The following SYT2 variants were observed in gnomAD, a reference collection of about 807,000 sequenced individuals.
The protein encoded by SYT2 is synaptotagmin-2.
SYT2 carries 15 observed loss-of-function variants against 39.9 expected under a neutral mutation model. The observed-to-expected ratio is 0.38, with a 90% CI of 0.25 to 0.58. The LOEUF is 0.58. SYT2 is among the 20% of genes least tolerant of loss of function. The probability of loss-of-function intolerance (pLI) is 0.70; values close to 1 mark genes in which losing one functional copy is unlikely to be tolerated. For missense variants in SYT2, 389 were observed against 530.3 expected, an observed-to-expected ratio of 0.73 and a Z score of 2.62; for synonymous variants, 181 against 204.5, an observed-to-expected ratio of 0.89 and a Z score of 0.98.
In SYT2 at chr1:202,602,208, G is replaced by T. The variant is rs992523127; in HGVS notation, c.634-151C>A. 2.7e-5 allele frequency: 29 copies of T among 1,069,114 alleles called. No homozygotes were observed. In the African/African-American group the frequency reaches 3.2e-4, roughly 12 times the overall value. The allele number at this position is 1,069,114 out of a possible 1,614,324, so 66.2% of individuals were successfully genotyped here. A position where few individuals can be genotyped will look rare whatever the true frequency, so the allele number is the denominator to read the frequency against. On this transcript the variant is annotated intron_variant, in intron 5 of 8. Coordinates refer to ENST00000367268, the MANE Select transcript of SYT2 (RefSeq NM_177402.5). ...AGGCTTTTGGGGAGCAGAGTGTGAG[G>T]GTGGGGTGGGAGGGATCCCGATCCT...
At position 202,599,096 on chromosome 1, in the gene SYT2, G is replaced by T; in HGVS notation, c.1053+122C>A. ...CCACCCAGGCACCATTAGACCTCGA[G>T]CCTTCCCCTACCAAGAAAGGCTGTT... On this transcript the variant is annotated intron_variant, in intron 8 of 8. Transcript: ENST00000367268. The surrounding 1 kb of genome is among the most constrained non-coding windows in gnomAD (Gnocchi z 4.4). 7.2e-7 allele frequency: 1 copy of T among 1,385,574 alleles called. No homozygotes were observed. The highest frequency in any genetic ancestry group is 9.8e-7 in the Non-Finnish European group (1 of 1,016,176). 85.8% of individuals were successfully genotyped at this position (1,385,574 alleles called of 1,614,324 possible).
chr1:202,613,340 C>T (rs550809055), intron 1 of SYT2, among the ~76,000 whole-genome samples: 17 of 152,244 alleles, frequency 1.1e-4, no homozygotes, highest in Admixed American at 5.9e-4. Flanking sequence ...CTCCACCTCC[C>T]GAAGTGCTGG....
In SYT2 at chr1:202,683,306, A is replaced by C. The variant is rs533655712; in HGVS notation, c.-18+26952T>G. Reference sequence around the variant, plus strand: ...CCAGACTGGAAACAACACAAATGTCATTAACAGTGGAATGGACAAATCAGT... The same window carrying C: ...CCAGACTGGAAACAACACAAATGTCCTTAACAGTGGAATGGACAAATCAGT... On this transcript the variant is annotated intron_variant, in intron 1 of 8. Transcript: ENST00000367268. Among the ~76,000 whole-genome samples the C allele has an allele frequency of 3.3e-5, 5 of 152,384 alleles. No homozygotes were observed. In the East Asian group the frequency reaches 9.6e-4, roughly 29 times the overall value.
rs922731498 is a variant in SYT2 at position 202,706,521 on chromosome 1, C to T, written c.-18+3737G>A. 6.6e-5 allele frequency among the ~76,000 whole-genome samples: 10 copies of T among 152,276 alleles called. No individual in the cohort carries two copies. The East Asian group carries it at 7.7e-4, about 12-fold the overall frequency. ...TCTACGTCATAGTTACAAATTTTAG[C>T]TCCATTCTACAGATGGCAAGACTAA... On this transcript the variant is annotated intron_variant, in intron 1 of 8. Coordinates refer to ENST00000367268, the MANE Select transcript of SYT2 (RefSeq NM_177402.5).
At chr1:202,640,733 TCA>T (rs1491357621) in intron 1 of SYT2, among the ~76,000 whole-genome samples, 2 of 92,114 alleles carry the variant, frequency 2.2e-5, no homozygotes, top group African/African-American at 4.0e-5. Flanking sequence ...GTCCTAATGG[TCA>T]GAGAGAGAGA....
chr1:202,658,931 T>C (rs1410744909), intron 1 of SYT2, among the ~76,000 whole-genome samples: 1 of 152,152 alleles, frequency 6.6e-6, no homozygotes, highest in African/African-American at 2.4e-5. Flanking sequence ...TGAACTTAAA[T>C]GCTTGCCAGA....
At position 202,602,144 on chromosome 1, in the gene SYT2, A is replaced by T. The variant is rs541080846; in HGVS notation, c.634-87T>A. Reference sequence around the variant, plus strand: ...TGGGCAGGGGCCTGCATTCCAGCCCACAGGGTCCAGGTTAGTGTGCCGAGA... The same window carrying T: ...TGGGCAGGGGCCTGCATTCCAGCCCTCAGGGTCCAGGTTAGTGTGCCGAGA... On this transcript the variant is annotated intron_variant, in intron 5 of 8. Transcript: ENST00000367268. 1.8e-4 allele frequency: 259 copies of T among 1,469,890 alleles called. 1 individual carries two copies. Among genetic ancestry groups the T allele is most frequent in the Non-Finnish European group, 4.6e-6 (5 of 1,085,358 alleles). 91.1% of individuals were successfully genotyped at this position (1,469,890 alleles called of 1,614,324 possible).
In SYT2 at chr1:202,605,727, C is replaced by A. The variant is rs1209035387; in HGVS notation, c.46G>T (p.Ala16Ser). The A allele has an allele frequency of 6.2e-7, 1 of 1,614,038 alleles. No individual in the cohort carries two copies. The highest frequency in any genetic ancestry group is 1.3e-5 in the African/African-American group (1 of 75,028). ...KRNQEPIVAP[A>S]TTTATMPIGP... ...ATGGGCATCGTGGCGGTGGTGGTGG[C>A]AGGAGCCACAATAGGCTCCTGGTTC... Residue 16 changes from alanine to serine, a missense_variant, in exon 2 of 9, where the codon GCC becomes TCC. Physicochemically the swap from Ala to Ser is moderately conservative, Grantham distance 99. Around this residue, in one of 4 missense-constraint regions of SYT2, gnomAD observed 280 missense variants for 335.6 expected, o/e 0.83. Transcript: ENST00000367268.
At chr1:202,664,497 C>G (rs918345478) in intron 1 of SYT2, among the ~76,000 whole-genome samples, 3 of 152,146 alleles carry the variant, frequency 2.0e-5, no homozygotes, top group African/African-American at 7.2e-5. Flanking sequence ...CAGCACGTTT[C>G]CATCACCTTC....
chr1:202,678,697 C>T (rs765864657), intron 1 of SYT2, among the ~76,000 whole-genome samples: 3 of 152,154 alleles, frequency 2.0e-5, no homozygotes, highest in Admixed American at 6.5e-5. Flanking sequence ...GGATCCTGCT[C>T]GCCAACTGTC....
chr1:202,657,995 A>G (rs1692309299), intron 1 of SYT2, among the ~76,000 whole-genome samples: 1 of 152,126 alleles, frequency 6.6e-6, no homozygotes, highest in Admixed American at 6.5e-5. Context: ...GTTTCAAAGC[A>G]CTTTCTGTGC....
intron 1 of SYT2, among the ~76,000 whole-genome samples, chr1:202,672,961 A>T (rs1016949850): frequency 6.6e-6 from 1 of 151,952 alleles, no homozygotes; most frequent in African/African-American, 2.4e-5. Context: ...AAAAAGTCTT[A>T]AAAATGTAGA....
At chr1:202,677,989 T>C (rs1475501882) in intron 1 of SYT2, among the ~76,000 whole-genome samples, 6 of 152,154 alleles carry the variant, frequency 3.9e-5, no homozygotes, top group East Asian at 1.9e-4. Context: ...AATGGATGAT[T>C]GGGGCCAGGC....
intron 1 of SYT2, among the ~76,000 whole-genome samples, chr1:202,618,803 G>A (rs1387529190): frequency 6.6e-6 from 1 of 152,080 alleles, no homozygotes; most frequent in African/African-American, 2.4e-5. Flanking sequence ...GTAGCTGAGA[G>A]ACCAAGATTC....
At chr1:202,670,674 C>T (rs1692570649) in intron 1 of SYT2, among the ~76,000 whole-genome samples, 1 of 152,252 alleles carries the variant, frequency 6.6e-6, no homozygotes, top group Non-Finnish European at 1.5e-5. Context: ...CTGGTTGGAA[C>T]AACATGGGTG....
intron 1 of SYT2, among the ~76,000 whole-genome samples, chr1:202,631,867 G>A (rs1376194095): frequency 1.3e-5 from 2 of 152,178 alleles, no homozygotes; most frequent in African/African-American, 2.4e-5. Flanking sequence ...TGACCTAGAT[G>A]AAATTTGAGG....
chr1:202,593,560 C>T lies in SYT2; in HGVS notation c.*3197G>A, dbSNP rs1690195722. 6.6e-6 allele frequency: 1 copy of T among 152,168 alleles called. No homozygotes were observed. Among genetic ancestry groups the T allele is most frequent in the South Asian group, 2.1e-4 (1 of 4,822 alleles). The allele number at this position is 152,168 out of a possible 1,614,324, so 9.4% of individuals were successfully genotyped here. A position where few individuals can be genotyped will look rare whatever the true frequency, so the allele number is the denominator to read the frequency against. On this transcript the variant is annotated 3_prime_UTR_variant, in exon 9 of 9. Coordinates refer to ENST00000367268, the MANE Select transcript of SYT2 (RefSeq NM_177402.5). Reference sequence around the variant, plus strand: ...TATCTCATCCTCTACTGAGGGACTCCAGGAAAGTCACTTCTCATTCATGCC... The same window carrying T: ...TATCTCATCCTCTACTGAGGGACTCTAGGAAAGTCACTTCTCATTCATGCC...
intron 1 of SYT2, among the ~76,000 whole-genome samples, chr1:202,665,195 A>T (rs1244810960): frequency 2.0e-5 from 3 of 152,186 alleles, no homozygotes; most frequent in Non-Finnish European, 4.4e-5. Flanking sequence ...GAAAGTGATG[A>T]GGAGGAAAAG....
chr1:202,672,648 G>A lies in SYT2; in HGVS notation c.-18+37610C>T, dbSNP rs191912710. Among the ~76,000 whole-genome samples, 581 of 146,212 alleles carry A rather than the reference G, an allele frequency of 4.0e-3. 4 individuals carry two copies. The highest frequency in any genetic ancestry group is 0.014 in the African/African-American group (552 of 38,912). ...GAAGAAGACATTAATGAACTGGAAA[G>A]CAGATCAGAAGAAATAATCCAGAAC... On this transcript the variant is annotated intron_variant, in intron 1 of 8. Transcript: ENST00000367268.
Sources: allele counts gnomAD v4.1 joint callset (sites outside exome capture counted in the v4.1 genomes callset), GRCh38; gene constraint gnomAD v4.1.1; regional missense constraint gnomAD v4.1.1; non-coding constraint Gnocchi (gnomAD v3.1); transcripts MANE v1.5; gene names NCBI Gene and HGNC (gene_info 2026-07-23, HGNC 2026-07-21).